Variants in STRAP observed in about 807,000 individuals in gnomAD.
STRAP encodes serine/threonine kinase receptor associated protein.
In STRAP, 16 loss-of-function variants were observed where a neutral mutation model predicts 47.0. The observed-to-expected ratio is 0.34, with a 90% CI of 0.23 to 0.52. STRAP has a LOEUF of 0.52. STRAP is among the 20% of genes least tolerant of loss of function. The pLI, the probability that STRAP is intolerant of heterozygous loss-of-function variation, is 0.96. For synonymous variants in STRAP, 130 were observed against 142.7 expected, an observed-to-expected ratio of 0.91 and a Z score of 0.63; for missense variants, 293 against 420.0, an observed-to-expected ratio of 0.70 and a Z score of 2.64.
chr12:15,889,357 G>A (rs1011257774), intron 2 of STRAP, among the ~76,000 whole-genome samples: 1 of 152,100 alleles, frequency 6.6e-6, no homozygotes, highest in Non-Finnish European at 1.5e-5. Flanking sequence ...CTGTACTAGA[G>A]TTTGAAATTT....
At chr12:15,902,429 T>G (rs1948112973) in intron 9 of STRAP, among the ~76,000 whole-genome samples, 1 of 152,184 alleles carries the variant, frequency 6.6e-6, no homozygotes, top group Admixed American at 6.5e-5. Context: ...CTGGGTATGA[T>G]GATTTTGGGG....
chr12:15,902,815 C>T (rs1346509401), intron 9 of STRAP, 102 bp from the exon 10 acceptor site: 3 of 1,355,538 alleles, frequency 2.2e-6, no homozygotes, highest in Non-Finnish European at 2.9e-6. Context: ...GCTTTACAAA[C>T]ACTTTTTCAT....
At chr12:15,886,000 C>T (rs1354875153) in intron 2 of STRAP, among the ~76,000 whole-genome samples, 1 of 152,096 alleles carries the variant, frequency 6.6e-6, no homozygotes, top group Non-Finnish European at 1.5e-5. Context: ...AGCCTTCAAA[C>T]TATTTGGCCT....
intron 2 of STRAP, among the ~76,000 whole-genome samples, chr12:15,885,769 A>C (rs997018027): frequency 1.3e-4 from 20 of 152,222 alleles, no homozygotes; most frequent in Admixed American, 1.3e-3. Flanking sequence ...GGCCTCATGC[A>C]CTTTATTTAA....
intron 2 of STRAP, 146 bp downstream of exon 2, chr12:15,883,822 G>A: frequency 9.7e-7 from 1 of 1,034,540 alleles, no homozygotes; most frequent in Non-Finnish European, 1.4e-6. Context: ...AAATTCCATC[G>A]TGGTCCATCG....
chr12:15,886,062 A>AT (rs112582152), intron 2 of STRAP, among the ~76,000 whole-genome samples: 4,375 of 151,484 alleles, frequency 0.029, 186 homozygotes, highest in African/African-American at 0.092. Context: ...GATTTTTGTG[A>AT]TTTTTTTTTC....
intron 2 of STRAP, among the ~76,000 whole-genome samples, chr12:15,884,167 G>C (rs1044532467): frequency 1.3e-5 from 2 of 152,194 alleles, no homozygotes; most frequent in African/African-American, 4.8e-5. Context: ...GAAATCTAAA[G>C]CATTCTTGAT....
At chr12:15,883,230 C>A in intron 1 of STRAP, 1 of 1,233,154 alleles carries the variant, frequency 8.1e-7, no homozygotes, top group Non-Finnish European at 1.1e-6. Flanking sequence ...TGGTATTAGC[C>A]TCATTTTTCA....
At position 15,887,423 on chromosome 12, in the gene STRAP, G is replaced by C. The variant is rs1947981022; in HGVS notation, c.249-2505G>C. 6.6e-6 allele frequency among the ~76,000 whole-genome samples: 1 copy of C among 152,166 alleles called. No individual in the cohort carries two copies. Among genetic ancestry groups the C allele is most frequent in the Non-Finnish European group, 1.5e-5 (1 of 68,024 alleles). On this transcript the variant is annotated intron_variant, in intron 2 of 9. Coordinates refer to ENST00000419869, the MANE Select transcript of STRAP (RefSeq NM_007178.4). The surrounding 1 kb of genome is among the most constrained non-coding windows in gnomAD (Gnocchi z 5.5). ...AGGGTATTGTTAATAGCGCTTTACT[G>C]TCTTGATTTGAGCCCTGTGGCCAAC... is the stretch of plus-strand genomic sequence containing the variant.
intron 2 of STRAP, among the ~76,000 whole-genome samples, chr12:15,884,774 T>C (rs968013395): frequency 6.6e-6 from 1 of 152,128 alleles, no homozygotes; most frequent in African/African-American, 2.4e-5. Context: ...TATTTTTCTT[T>C]CTTCCTTTTC....
rs865920927 is a variant in STRAP, at chr12:15,896,604, T to G, written c.638+1108T>G. ...ATTTTGATTTGTTTAAAAATATTGT[T>G]AGCCATTTAAAACTTCTTTGAAAAC... On this transcript the variant is annotated intron_variant, in intron 6 of 9. Transcript: ENST00000419869. This position sits in a 1 kb window ranked among gnomAD's most constrained non-coding sequence, Gnocchi z 4.1. Among the ~76,000 whole-genome samples, 2 of 152,182 alleles carry G rather than the reference T, an allele frequency of 1.3e-5. No homozygotes were observed. The highest frequency in any genetic ancestry group is 4.8e-5 in the African/African-American group (2 of 41,448).
At chr12:15,884,216 C>G (rs867950909) in intron 2 of STRAP, among the ~76,000 whole-genome samples, 1 of 152,164 alleles carries the variant, frequency 6.6e-6, no homozygotes, top group African/African-American at 2.4e-5. Context: ...TTTTTTGATT[C>G]TGCCAGCGGG....
In STRAP at chr12:15,887,993, G is replaced by A. The variant is rs1176479419; in HGVS notation, c.249-1935G>A. Among the ~76,000 whole-genome samples, 1 of 152,148 alleles carries A rather than the reference G, an allele frequency of 6.6e-6. No homozygotes were observed. The highest frequency in any genetic ancestry group is 2.4e-5 in the African/African-American group (1 of 41,436). On this transcript the variant is annotated intron_variant, in intron 2 of 9. Transcript: ENST00000419869. This position sits in a 1 kb window ranked among gnomAD's most constrained non-coding sequence, Gnocchi z 5.5. ...GTTTTCTTCACTTTTGATGCTTTCT[G>A]TCATTCTAATACTTGTGAACCCTTA...
intron 7 of STRAP, 125 bp downstream of exon 7, chr12:15,898,143 T>A: frequency 1.1e-6 from 1 of 871,078 alleles, no homozygotes. Context: ...TCAGCTAACT[T>A]AAGCTTGGTG....
intron 5 of STRAP, 52 bp from the exon 6 acceptor site, chr12:15,895,307 T>C: frequency 7.3e-7 from 1 of 1,374,460 alleles, no homozygotes; most frequent in Non-Finnish European, 9.6e-7. Context: ...TTAGAATTTA[T>C]AAACTTTTTT....
At chr12:15,893,004 G>A (rs989144474) in intron 4 of STRAP, among the ~76,000 whole-genome samples, 5 of 152,156 alleles carry the variant, frequency 3.3e-5, no homozygotes, top group Non-Finnish European at 5.9e-5. Context: ...TGTAACCATT[G>A]TTATCTCATT....
Position 15,882,407 on chromosome 12 carries a change from G to C in STRAP, c.-301G>C. On this transcript the variant is annotated 5_prime_UTR_variant, in exon 1 of 10. It removes an upstream start codon present in the reference 5' UTR. Coordinates refer to ENST00000419869, the MANE Select transcript of STRAP (RefSeq NM_007178.4). The stretch of plus-strand genomic sequence containing the variant: ...ATTTACGTCGTCACTTCCTGCCGAT[G>C]CCGGTGTGGACGCTGTGAATCGTGG... 2.2e-6 allele frequency: 1 copy of C among 450,472 alleles called. No individual in the cohort carries two copies. The highest frequency in any genetic ancestry group is 4.0e-6 in the Non-Finnish European group (1 of 247,870). 27.9% of individuals were successfully genotyped at this position (450,472 alleles called of 1,614,324 possible).
Position 15,902,991 on chromosome 12 carries a change from T to TA in STRAP, c.*13_*14insA, listed in dbSNP as rs1397287115. The TA allele has an allele frequency of 5.7e-6, 8 of 1,405,198 alleles. No homozygotes were observed. The highest frequency in any genetic ancestry group is 1.9e-4 in the Middle Eastern group (1 of 5,216). The allele number at this position is 1,405,198 out of a possible 1,614,324, so 87.0% of individuals were successfully genotyped here. On this transcript the variant is annotated 3_prime_UTR_variant, in exon 10 of 10. Transcript: ENST00000419869. ...TGTTAAGGCCTGAGCGTCAATCATA[T>TA]GTGCAGTTAGTATACAACTGACTAA... is the stretch of plus-strand genomic sequence containing the variant.
chr12:15,902,204 C>T (rs570773600), intron 9 of STRAP, among the ~76,000 whole-genome samples: 7 of 152,152 alleles, frequency 4.6e-5, no homozygotes, highest in Non-Finnish European at 1.0e-4. Context: ...GAACTCCTGA[C>T]CTCATGATCT....
Sources: allele counts gnomAD v4.1 joint callset (sites outside exome capture counted in the v4.1 genomes callset), GRCh38; gene constraint gnomAD v4.1.1; non-coding constraint Gnocchi (gnomAD v3.1); transcripts MANE v1.5; gene names NCBI Gene and HGNC (gene_info 2026-07-23, HGNC 2026-07-21).